The following PTPRK variants were observed in gnomAD, a reference collection of about 807,000 sequenced individuals.
PTPRK encodes the protein receptor-type tyrosine-protein phosphatase kappa.
PTPRK carries 75 observed loss-of-function variants against 178.0 expected under a neutral mutation model. That is an observed-to-expected ratio of 0.42 (90% CI 0.35 to 0.51). The LOEUF (loss-of-function observed/expected upper bound fraction) is 0.51, where lower values mean the gene tolerates loss of function less well. Ranked by LOEUF, PTPRK falls within the 20% of genes least tolerant of loss-of-function variation. The pLI is 0.02. For synonymous variants in PTPRK, 637 were observed against 620.6 expected, an observed-to-expected ratio of 1.03 and a Z score of -0.39; for missense variants, 1,441 against 1,797.8, an observed-to-expected ratio of 0.80 and a Z score of 3.59.
At position 128,245,065 on chromosome 6, in the gene PTPRK, G is replaced by C. The variant is rs188075991; in HGVS notation, c.496-2463C>G. 1.8e-3 allele frequency among the ~76,000 whole-genome samples: 273 copies of C among 152,210 alleles called. 1 individual carries two copies. The highest frequency in any genetic ancestry group is 2.8e-3 in the Non-Finnish European group (190 of 68,000). ...TACTATATAAAGTAGACTGTCCCAAGCTACAGTCACACACATACACACACA... is the reference window on the plus strand; with the variant it reads ...TACTATATAAAGTAGACTGTCCCAACCTACAGTCACACACATACACACACA... On this transcript the variant is annotated intron_variant, in intron 3 of 29. Transcript: ENST00000368226.
At chr6:128,429,736 G>T (rs563139224) in intron 1 of PTPRK, among the ~76,000 whole-genome samples, 1 of 152,154 alleles carries the variant, frequency 6.6e-6, no homozygotes, top group Non-Finnish European at 1.5e-5. Flanking sequence ...GGCTCTTCTA[G>T]AAGTTTGCCT....
At chr6:128,041,401 G>A (rs1172471322) in intron 13 of PTPRK, among the ~76,000 whole-genome samples, 3 of 151,966 alleles carry the variant, frequency 2.0e-5, no homozygotes, top group Admixed American at 2.0e-4. Flanking sequence ...CACTGATAAA[G>A]GATAAAGAAT....
chr6:128,473,547 A>G (rs929558902), intron 1 of PTPRK, among the ~76,000 whole-genome samples: 8 of 151,772 alleles, frequency 5.3e-5, no homozygotes, highest in Non-Finnish European at 7.4e-5. Context: ...TTCCCAAATC[A>G]ATATTTACTA....
intron 24 of PTPRK, 68 bp from the exon 25 acceptor site, chr6:127,981,357 C>T (rs1332233865): frequency 7.2e-7 from 1 of 1,388,330 alleles, no homozygotes; most frequent in African/African-American, 1.5e-5. Flanking sequence ...ACAGATCCAT[C>T]AGGAATTTAG....
At chr6:128,113,060 T>G (rs573130022) in intron 7 of PTPRK, among the ~76,000 whole-genome samples, 2 of 152,202 alleles carry the variant, frequency 1.3e-5, no homozygotes, top group South Asian at 4.1e-4. Context: ...ACTCTGAAAT[T>G]ATCCATCCTC....
At chr6:128,156,911 T>C (rs917425432) in intron 7 of PTPRK, among the ~76,000 whole-genome samples, 22 of 151,868 alleles carry the variant, frequency 1.4e-4, no homozygotes, top group Admixed American at 2.0e-4. Flanking sequence ...CTGAGTCCTT[T>C]TAATAACTGT....
intron 7 of PTPRK, among the ~76,000 whole-genome samples, chr6:128,098,914 T>C (rs1217506540): frequency 1.3e-5 from 2 of 151,860 alleles, no homozygotes; most frequent in Non-Finnish European, 2.9e-5. Flanking sequence ...TGTATGCTCT[T>C]TGAGGAGGGG....
intron 2 of PTPRK, among the ~76,000 whole-genome samples, chr6:128,356,442 A>C (rs1338472029): frequency 1.3e-5 from 2 of 152,174 alleles, no homozygotes; most frequent in Non-Finnish European, 2.9e-5. Context: ...TAATTAATGA[A>C]TCTATTAGGC....
intron 7 of PTPRK, among the ~76,000 whole-genome samples, chr6:128,097,316 A>G (rs561443881): frequency 9.8e-5 from 15 of 152,290 alleles, no homozygotes; most frequent in Admixed American, 3.3e-4. Flanking sequence ...GTGCCATCAG[A>G]ACCACACTAA....
intron 2 of PTPRK, among the ~76,000 whole-genome samples, chr6:128,358,641 T>C (rs1834286171): frequency 6.6e-6 from 1 of 152,218 alleles, no homozygotes; most frequent in Admixed American, 6.5e-5. Flanking sequence ...TGCAGTGCCA[T>C]CTTCAGTAGC....
At chr6:128,476,919 C>T (rs888974455) in intron 1 of PTPRK, among the ~76,000 whole-genome samples, 1 of 150,604 alleles carries the variant, frequency 6.6e-6, no homozygotes, top group Non-Finnish European at 1.5e-5. Context: ...AGAGTGAAAA[C>T]GAATAAAATC....
chr6:128,476,158 T>G (rs1159823043), intron 1 of PTPRK, among the ~76,000 whole-genome samples: 2 of 152,026 alleles, frequency 1.3e-5, no homozygotes, highest in African/African-American at 2.4e-5. Flanking sequence ...AGGCAGTCTT[T>G]GTGTTTACAG....
At chr6:128,065,398 A>T (rs1477253590) in intron 12 of PTPRK, among the ~76,000 whole-genome samples, 4 of 152,194 alleles carry the variant, frequency 2.6e-5, no homozygotes, top group Non-Finnish European at 5.9e-5. Context: ...AAGTAGAAGC[A>T]GTAGGAAAGG....
At chr6:128,449,150 G>A (rs545819527) in intron 1 of PTPRK, among the ~76,000 whole-genome samples, 15 of 152,202 alleles carry the variant, frequency 9.9e-5, no homozygotes, top group Admixed American at 7.8e-4. Flanking sequence ...ATGAGCCACC[G>A]TGCCTGGCCC....
In PTPRK at chr6:128,336,491, T is replaced by G. The variant is rs1341356489; in HGVS notation, c.224-14181A>C. 3.9e-5 allele frequency among the ~76,000 whole-genome samples: 6 copies of G among 152,178 alleles called. No individual in the cohort carries two copies. The East Asian group carries it at 1.2e-3, about 29-fold the overall frequency. Reference sequence around the variant, plus strand: ...GGAAAATGGGAGGTAATTTTTCTCTTACAGGAGGGAAGAAGAAACTTAATA... The same window carrying G: ...GGAAAATGGGAGGTAATTTTTCTCTGACAGGAGGGAAGAAGAAACTTAATA... On this transcript the variant is annotated intron_variant, in intron 2 of 29. Coordinates refer to ENST00000368226, the MANE Select transcript of PTPRK (RefSeq NM_002844.4).
intron 7 of PTPRK, among the ~76,000 whole-genome samples, chr6:128,149,060 C>G (rs1246813356): frequency 6.6e-6 from 1 of 150,778 alleles, no homozygotes; most frequent in African/African-American, 2.4e-5. Context: ...AACCATGAAC[C>G]AAATCAGTCT....
At chr6:128,030,719 T>C (rs11969757) in intron 13 of PTPRK, among the ~76,000 whole-genome samples, 11 of 152,166 alleles carry the variant, frequency 7.2e-5, no homozygotes, top group African/African-American at 2.7e-4. Flanking sequence ...AACAGTTGAT[T>C]CTCTGTATAA....
chr6:128,322,027 A>G lies in PTPRK; in HGVS notation c.495+12T>C. 3 of 1,613,872 alleles carry G rather than the reference A, an allele frequency of 1.9e-6. No homozygotes were observed. The highest frequency in any genetic ancestry group is 2.5e-6 in the Non-Finnish European group (3 of 1,179,898). ...ACATCAAAACATACACCAGAAAAGT[A>G]CAGATGATTACCTGATATTCATTGG... is the stretch of plus-strand genomic sequence containing the variant. On this transcript the variant is annotated intron_variant, in intron 3 of 29. Transcript: ENST00000368226.
intron 6 of PTPRK, among the ~76,000 whole-genome samples, chr6:128,204,510 A>G (rs1210176979): frequency 6.6e-6 from 1 of 152,198 alleles, no homozygotes; most frequent in Non-Finnish European, 1.5e-5. Flanking sequence ...AATTTTTGCA[A>G]TCTATCCATC....
Sources: allele counts gnomAD v4.1 joint callset (sites outside exome capture counted in the v4.1 genomes callset), GRCh38; gene constraint gnomAD v4.1.1; transcripts MANE v1.5; gene names NCBI Gene and HGNC (gene_info 2026-07-23, HGNC 2026-07-21).